Variants in GRK3 observed in about 807,000 individuals in gnomAD.
The protein encoded by GRK3 is adrenergic, beta, receptor kinase 2.
GRK3 carries 54 observed loss-of-function variants against 95.7 expected under a neutral mutation model. The ratio of observed to expected loss-of-function variants is 0.56; its 90% CI spans 0.45 to 0.71. The LOEUF (loss-of-function observed/expected upper bound fraction) is 0.71, where lower values mean the gene tolerates loss of function less well. GRK3 is among the 30% of genes least tolerant of loss of function. The probability of loss-of-function intolerance (pLI) is 0.00; values close to 1 mark genes in which losing one functional copy is unlikely to be tolerated. For synonymous variants in GRK3, 281 were observed against 290.8 expected (o/e 0.97, Z 0.34); for missense variants, 649 against 851.2 (o/e 0.76, Z 2.96).
intron 1 of GRK3, among the ~76,000 whole-genome samples, chr22:25,567,194 A>G (rs145123363): frequency 6.6e-6 from 1 of 152,224 alleles, no homozygotes; most frequent in Non-Finnish European, 1.5e-5. Context: ...ACAGCCCTTC[A>G]GTAATTGTTA....
At chr22:25,658,564 C>G (rs1325562697) in intron 3 of GRK3, among the ~76,000 whole-genome samples, 1 of 152,106 alleles carries the variant, frequency 6.6e-6, no homozygotes, top group Non-Finnish European at 1.5e-5. Flanking sequence ...CTGTTGGATG[C>G]CCTTTTCCAT....
At chr22:25,606,675 CT>C (rs893382154) in intron 2 of GRK3, among the ~76,000 whole-genome samples, 1 of 152,150 alleles carries the variant, frequency 6.6e-6, no homozygotes, top group Non-Finnish European at 1.5e-5. Flanking sequence ...CCTTTTCCCT[CT>C]TTCCTTACCT....
At chr22:25,610,322 C>G (rs2084487151) in intron 2 of GRK3, among the ~76,000 whole-genome samples, 1 of 152,082 alleles carries the variant, frequency 6.6e-6, no homozygotes, top group African/African-American at 2.4e-5. Context: ...ATAAAATTAG[C>G]TGGATGTGGT....
rs144593541 is a variant in GRK3, at chr22:25,685,817, T to G, written c.826+569T>G. On this transcript the variant is annotated intron_variant, in intron 10 of 20. Coordinates refer to ENST00000324198, the MANE Select transcript of GRK3 (RefSeq NM_005160.4). ...GTCATGGTATATATCTAAAGTATTT[T>G]TAGTAACAAGAACTGAAATAAAGCA... is the stretch of plus-strand genomic sequence containing the variant. 1.2e-4 allele frequency among the ~76,000 whole-genome samples: 18 copies of G among 152,254 alleles called. No individual in the cohort carries two copies. In the South Asian group the frequency reaches 2.3e-3, roughly 19 times the overall value.
chr22:25,674,578 AT>A, intron 8 of GRK3, 50 bp downstream of exon 8: 1 of 1,331,020 alleles, frequency 7.5e-7, no homozygotes, highest in Non-Finnish European at 1.1e-6. Context: ...AAATTTTAAT[AT>A]TTGCATGAAA....
chr22:25,716,667 A>G (rs1022128108), intron 18 of GRK3, among the ~76,000 whole-genome samples: 2 of 152,212 alleles, frequency 1.3e-5, no homozygotes, highest in African/African-American at 4.8e-5. Flanking sequence ...CAGGTTCTGC[A>G]TCTGTGGATT....
At chr22:25,630,410 C>A (rs935077837) in intron 2 of GRK3, among the ~76,000 whole-genome samples, 2 of 152,040 alleles carry the variant, frequency 1.3e-5, no homozygotes, top group African/African-American at 4.8e-5. Flanking sequence ...TTTTAACTGT[C>A]AGTTTGTTTA....
At chr22:25,685,992 G>A (rs1266656004) in intron 10 of GRK3, among the ~76,000 whole-genome samples, 2 of 151,652 alleles carry the variant, frequency 1.3e-5, no homozygotes, top group African/African-American at 4.8e-5. Context: ...AGACCGAGGC[G>A]GGCGGATCAA....
chr22:25,643,425 G>T (rs1454262518), intron 2 of GRK3, among the ~76,000 whole-genome samples: 1 of 152,226 alleles, frequency 6.6e-6, no homozygotes. Context: ...TTACAGACCA[G>T]TTCAAGTTAC....
At position 25,565,000 on chromosome 22, in the gene GRK3, G is replaced by C. The variant is rs1489029729; in HGVS notation, c.-41G>C. 1 of 1,049,586 alleles carries C rather than the reference G, an allele frequency of 9.5e-7. No homozygotes were observed. Among genetic ancestry groups the C allele is most frequent in the Non-Finnish European group, 1.3e-6 (1 of 767,386 alleles). 65.0% of individuals were successfully genotyped at this position (1,049,586 alleles called of 1,614,324 possible). A position where few individuals can be genotyped will look rare whatever the true frequency, so the allele number is the denominator to read the frequency against. On this transcript the variant is annotated 5_prime_UTR_variant, in exon 1 of 21. Coordinates refer to ENST00000324198, the MANE Select transcript of GRK3 (RefSeq NM_005160.4). ...GGCGGCGGGCGCGCGTCCCGTCCAG[G>C]TCCGGAGTAACCGCCGCCGCCGCCG...
At chr22:25,698,203 A>C (rs1363460111) in intron 13 of GRK3, among the ~76,000 whole-genome samples, 1 of 144,608 alleles carries the variant, frequency 6.9e-6, no homozygotes. Context: ...GGAAGGAGGA[A>C]GGGAGGGAAG....
intron 2 of GRK3, among the ~76,000 whole-genome samples, 197 bp from the exon 3 acceptor site, chr22:25,644,395 A>C (rs574541150): frequency 1.4e-4 from 22 of 152,174 alleles, no homozygotes; most frequent in East Asian, 1.2e-3. Flanking sequence ...GCAAGGAGCC[A>C]AGTATGTGGT....
chr22:25,661,814 C>G (rs1435452192), intron 4 of GRK3, 137 bp downstream of exon 4: 3 of 508,244 alleles, frequency 5.9e-6, no homozygotes, highest in Non-Finnish European at 1.0e-5. Flanking sequence ...CCTATTTCTT[C>G]TGCTTTGTTG....
chr22:25,662,535 C>T (rs2084916295), intron 4 of GRK3, among the ~76,000 whole-genome samples: 1 of 152,176 alleles, frequency 6.6e-6, no homozygotes, highest in Non-Finnish European at 1.5e-5. Flanking sequence ...TTTGGTGCTT[C>T]TGTATTCATT....
At position 25,571,648 on chromosome 22, in the gene GRK3, G is replaced by T. The variant is rs138193831; in HGVS notation, c.113+6495G>T. 2.6e-5 allele frequency among the ~76,000 whole-genome samples: 4 copies of T among 152,288 alleles called. No homozygotes were observed. In the East Asian group the frequency reaches 7.7e-4, roughly 29 times the overall value. On this transcript the variant is annotated intron_variant, in intron 1 of 20. Transcript: ENST00000324198. ...ATTAAGGCAGTCTTGCAAGTGCTGT[G>T]GTGCCATGTGCTCTGAGGGAGGAGG...
rs145041542 is a variant in GRK3 at position 25,672,493 on chromosome 22, A to G, written c.555+146A>G. 2.7e-4 allele frequency: 159 copies of G among 593,396 alleles called. No homozygotes were observed. In the East Asian group the frequency reaches 4.5e-3, roughly 17 times the overall value. 36.8% of individuals were successfully genotyped at this position (593,396 alleles called of 1,614,324 possible). A position where few individuals can be genotyped will look rare whatever the true frequency, so the allele number is the denominator to read the frequency against. On this transcript the variant is annotated intron_variant, in intron 7 of 20. Transcript: ENST00000324198. The stretch of plus-strand genomic sequence containing the variant: ...TGTCTTACAGCTTTAAGTACTAAGC[A>G]TTCACCCTCCCATGCTTCCTTATAA...
intron 3 of GRK3, among the ~76,000 whole-genome samples, chr22:25,655,193 T>G (rs913756425): frequency 2.0e-5 from 3 of 152,186 alleles, no homozygotes; most frequent in Non-Finnish European, 4.4e-5. Context: ...CCCAAACAGT[T>G]ACCCATTTCC....
chr22:25,710,913 C>A (rs2085338860), intron 16 of GRK3, among the ~76,000 whole-genome samples, 155 bp from the exon 17 acceptor site: 2 of 152,192 alleles, frequency 1.3e-5, no homozygotes, highest in South Asian at 4.1e-4. Context: ...GGCTTTTCTA[C>A]AAAATATGAA....
intron 2 of GRK3, among the ~76,000 whole-genome samples, chr22:25,644,158 T>C (rs1023778676): frequency 1.3e-5 from 2 of 151,944 alleles, no homozygotes; most frequent in African/African-American, 4.8e-5. Context: ...TTTGTTTGTT[T>C]TTTTTTTAGG....
Sources: gnomAD v4.1 joint callset for allele counts (sites outside exome capture counted in the v4.1 genomes callset) on GRCh38, gnomAD v4.1.1 for gene constraint, MANE v1.5 for transcripts, NCBI Gene and HGNC (gene_info 2026-07-23, HGNC 2026-07-21) for gene names.